The following UNC80 variants were observed in gnomAD, a reference collection of about 807,000 sequenced individuals.
The protein encoded by UNC80 is protein unc-80 homolog.
Under a neutral mutation model 384.6 loss-of-function variants are expected in UNC80, and 164 were observed. The ratio of observed to expected loss-of-function variants is 0.43; its 90% CI spans 0.38 to 0.49. The LOEUF (loss-of-function observed/expected upper bound fraction) is 0.49, where lower values mean the gene tolerates loss of function less well. UNC80 is among the 20% of genes least tolerant of loss of function. UNC80 has a pLI of 0.00. For missense variants in UNC80, 3,330 were observed against 4,143.0 expected (o/e 0.80, Z 5.39); for synonymous variants, 1,486 against 1,527.8 (o/e 0.97, Z 0.64).
chr2:209,883,576 G>A (rs978668759), intron 25 of UNC80, among the ~76,000 whole-genome samples: 6 of 151,698 alleles, frequency 4.0e-5, no homozygotes, highest in Non-Finnish European at 5.9e-5. Flanking sequence ...GACTACAGAC[G>A]CCCACCACCA....
At chr2:209,845,567 A>G (rs1237757158) in intron 21 of UNC80, among the ~76,000 whole-genome samples, 2 of 152,200 alleles carry the variant, frequency 1.3e-5, no homozygotes, top group African/African-American at 4.8e-5. Context: ...TGGAATATTC[A>G]TAGAGCCAGA....
intron 17 of UNC80, among the ~76,000 whole-genome samples, chr2:209,834,627 G>A (rs1377600650): frequency 1.3e-5 from 2 of 152,100 alleles, no homozygotes; most frequent in Non-Finnish European, 2.9e-5. Context: ...TATGCCTATT[G>A]TATATTAAAT....
chr2:209,825,251 C>T (rs958134330), intron 13 of UNC80, among the ~76,000 whole-genome samples: 1 of 152,120 alleles, frequency 6.6e-6, no homozygotes, highest in Non-Finnish European at 1.5e-5. Flanking sequence ...ATGTTTTCCA[C>T]TAACAACAAA....
intron 29 of UNC80, among the ~76,000 whole-genome samples, chr2:209,907,739 A>T (rs2088425206): frequency 6.6e-6 from 1 of 152,196 alleles, no homozygotes; most frequent in African/African-American, 2.4e-5. Context: ...GAACTGAGGA[A>T]GTCTTTCACA....
chr2:209,970,040 T>C lies in UNC80; in HGVS notation c.8130+149T>C, dbSNP rs994107844. The C allele has an allele frequency of 6.8e-6, 7 of 1,031,974 alleles. No homozygotes were observed. The African/African-American group carries it at 9.7e-5, about 14-fold the overall frequency. The allele number at this position is 1,031,974 out of a possible 1,614,324, so 63.9% of individuals were successfully genotyped here. A position where few individuals can be genotyped will look rare whatever the true frequency, so the allele number is the denominator to read the frequency against. ...TCAGGTGACACTGAAAATAGTGAGGTACATTTCAAGGTGGTGTGTGGGGAG... is the reference window on the plus strand; with the variant it reads ...TCAGGTGACACTGAAAATAGTGAGGCACATTTCAAGGTGGTGTGTGGGGAG... On this transcript the variant is annotated intron_variant, in intron 53 of 64. Transcript: ENST00000673920.
At position 209,904,804 on chromosome 2, in the gene UNC80, A is replaced by T; in HGVS notation, c.4621A>T (p.Thr1541Ser). 1 of 1,551,934 alleles carries T rather than the reference A, an allele frequency of 6.4e-7. No individual in the cohort carries two copies. The highest frequency in any genetic ancestry group is 2.4e-5 in the East Asian group (1 of 40,902). The change falls in exon 29 of 65, where the codon ACT becomes TCT. Residue 1541 changes from threonine to serine, a missense_variant. Thr to Ser is a moderately conservative substitution (Grantham distance 58). This residue lies in a region of UNC80 where 801 missense variants were observed against 950.8 expected (regional missense o/e 0.84). Transcript: ENST00000673920. ...GTGCAATCAGCAGAGTTTCATCTGC[A>T]CTCACGTTGACTACTGCCATCCCCA... ...LLCNQQSFIC[T>S]HVDYCHPHCY... is the part of the protein sequence containing the mutation.
chr2:209,978,797 C>A, intron 59 of UNC80, 89 bp downstream of exon 59: 2 of 1,242,576 alleles, frequency 1.6e-6, no homozygotes, highest in South Asian at 2.4e-5. Flanking sequence ...CTGACCTTTT[C>A]CGCTTCTGAT....
chr2:209,823,168 C>G (rs2080262332), intron 13 of UNC80, among the ~76,000 whole-genome samples: 1 of 152,158 alleles, frequency 6.6e-6, no homozygotes. Flanking sequence ...GTACTGAGAG[C>G]TTGGAATGTT....
intron 7 of UNC80, among the ~76,000 whole-genome samples, chr2:209,805,337 T>A (rs2078825965): frequency 6.6e-6 from 1 of 152,278 alleles, no homozygotes. Flanking sequence ...ATTAGGGTTT[T>A]ATCTTGGTTC....
chr2:209,830,525 G>A (rs1442384481), intron 15 of UNC80, among the ~76,000 whole-genome samples: 1 of 152,130 alleles, frequency 6.6e-6, no homozygotes, highest in Non-Finnish European at 1.5e-5. Flanking sequence ...TGAGAGGTTG[G>A]TAATAAAGTA....
intron 7 of UNC80, among the ~76,000 whole-genome samples, chr2:209,813,364 C>A (rs945131161): frequency 2.0e-5 from 3 of 152,190 alleles, no homozygotes; most frequent in Non-Finnish European, 2.9e-5. Context: ...AATTCCTATC[C>A]ATCCTTCAAA....
chr2:209,793,665 G>T (rs1559099833), intron 6 of UNC80, 55 bp from the exon 7 acceptor site: 8 of 1,600,710 alleles, frequency 5.0e-6, no homozygotes, highest in South Asian at 2.2e-5. Flanking sequence ...TATAGCTACA[G>T]GGGAAAACAA....
At chr2:209,836,858 A>G (rs2153829004) in intron 18 of UNC80, among the ~76,000 whole-genome samples, 1 of 152,318 alleles carries the variant, frequency 6.6e-6, no homozygotes, top group Non-Finnish European at 1.5e-5. Flanking sequence ...AATTTCTTTG[A>G]AACTCAATAT....
In UNC80 at chr2:209,994,162, T is replaced by C. The variant is rs2125034758; in HGVS notation, c.9606T>C (p.Cys3202=). 6.4e-7 allele frequency: 1 copy of C among 1,551,524 alleles called. No individual in the cohort carries two copies. The highest frequency in any genetic ancestry group is 8.7e-7 in the Non-Finnish European group (1 of 1,146,936). Residue 3202 remains cysteine (C), a synonymous_variant, in exon 64 of 65, where the codon TGT becomes TGC. Transcript: ENST00000673920. ...CTGCAACAGGCCAACTACAGGGCTG[T>C]AGCCCAGCCCCTTCTAGGAAACCAG... ...ALPATGQLQG[C]SPAPSRKPEA...
In UNC80 at chr2:209,813,497, A is replaced by G; in HGVS notation, c.939-83A>G. On this transcript the variant is annotated intron_variant, in intron 7 of 64. Coordinates refer to ENST00000673920, the MANE Select transcript of UNC80 (RefSeq NM_001371986.1). ...TAAATGAATAACTAAACAAATGAGA[A>G]AAGTAGAGCTATAAGCCATGCTGTG... 2.2e-6 allele frequency: 3 copies of G among 1,377,532 alleles called. No individual in the cohort carries two copies. In the East Asian group the frequency reaches 7.6e-5, roughly 35 times the overall value. The allele number at this position is 1,377,532 out of a possible 1,614,324, so 85.3% of individuals were successfully genotyped here. A position where few individuals can be genotyped will look rare whatever the true frequency, so the allele number is the denominator to read the frequency against.
intron 50 of UNC80, 122 bp from the exon 51 acceptor site, chr2:209,959,367 C>A: frequency 8.9e-7 from 1 of 1,120,014 alleles, no homozygotes; most frequent in Non-Finnish European, 1.3e-6. Flanking sequence ...TCCTTGGCCT[C>A]ACCCTACTGA....
At chr2:209,970,623 C>A (rs779601136) in intron 53 of UNC80, among the ~76,000 whole-genome samples, 11 of 152,212 alleles carry the variant, frequency 7.2e-5, no homozygotes, top group Non-Finnish European at 1.5e-4. Flanking sequence ...AAACAACATT[C>A]TACAAAACCT....
intron 60 of UNC80, 38 bp from the exon 61 acceptor site, chr2:209,984,818 C>A: frequency 1.5e-5 from 20 of 1,365,266 alleles, no homozygotes; most frequent in Non-Finnish European, 1.6e-5. Context: ...TTTTCATTTT[C>A]TTTCCCTAAA....
intron 25 of UNC80, among the ~76,000 whole-genome samples, chr2:209,883,192 A>G (rs1459071800): frequency 1.3e-5 from 2 of 152,206 alleles, no homozygotes; most frequent in Non-Finnish European, 2.9e-5. Flanking sequence ...ATGTTTTACC[A>G]ACACAGAAAT....
Sources: allele counts gnomAD v4.1 joint callset (sites outside exome capture counted in the v4.1 genomes callset), GRCh38; gene constraint gnomAD v4.1.1; regional missense constraint gnomAD v4.1.1; transcripts MANE v1.5; gene names NCBI Gene and HGNC (gene_info 2026-07-23, HGNC 2026-07-21).